USP33: variants seen among roughly 807,000 people sequenced by gnomAD.
The protein encoded by USP33 is ubiquitin carboxyl-terminal hydrolase 33.
A neutral mutation model predicts 124.2 loss-of-function variants in USP33; 46 were observed. The observed-to-expected ratio is 0.37, with a 90% CI of 0.29 to 0.47. The LOEUF (loss-of-function observed/expected upper bound fraction) is 0.47. Ranked by LOEUF, USP33 falls within the 20% of genes least tolerant of loss-of-function variation. The pLI, the probability that USP33 is intolerant of heterozygous loss-of-function variation, is 0.99. For synonymous variants in USP33, 350 were observed against 352.3 expected (o/e 0.99, Z 0.07); for missense variants, 851 against 1,070.6 (o/e 0.79, Z 2.86).
At chr1:77,729,446 G>A (rs1168223702) in intron 9 of USP33, among the ~76,000 whole-genome samples, 2 of 151,770 alleles carry the variant, frequency 1.3e-5, no homozygotes, top group Non-Finnish European at 2.9e-5. Context: ...CGAGGAGGGT[G>A]GATTACCTGA....
intron 4 of USP33, 24 bp downstream of exon 4, chr1:77,740,853 C>A: frequency 6.6e-7 from 1 of 1,523,004 alleles, no homozygotes; most frequent in South Asian, 1.2e-5. Flanking sequence ...AACAAGTCTT[C>A]CATTAAATTT....
chr1:77,729,928 C>G lies in USP33; in HGVS notation c.649G>C (p.Val217Leu), dbSNP rs775455044. Residue 217 changes from valine (V) to leucine (L), a missense_variant, in exon 9 of 24, where the codon GTT becomes CTT. Transcript: ENST00000370794. Reference protein sequence around the residue: ...ELWHKSRPGSVVPTTLFQGIK... With the variant: ...ELWHKSRPGSLVPTTLFQGIK... ...CCTTGAAACAGAGTAGTAGGCACAA[C>G]AGATCCTGGCCTGAGCAAGAAAACA... 8.6e-5 allele frequency: 138 copies of G among 1,612,852 alleles called. No homozygotes were observed. Among genetic ancestry groups the G allele is most frequent in the Middle Eastern group, 6.6e-4 (4 of 6,044 alleles).
chr1:77,749,353 T>C (rs1680063676), intron 1 of USP33, among the ~76,000 whole-genome samples: 1 of 152,054 alleles, frequency 6.6e-6, no homozygotes, highest in Non-Finnish European at 1.5e-5. Context: ...CTACTTGCCT[T>C]TGGTTGTATT....
intron 17 of USP33, 61 bp from the exon 18 acceptor site, chr1:77,715,929 A>G: frequency 6.5e-7 from 1 of 1,529,134 alleles, no homozygotes; most frequent in Non-Finnish European, 8.8e-7. Context: ...AAAGGAGGAT[A>G]AACTTTTTAT....
At chr1:77,717,793 T>G in intron 17 of USP33, 74 bp downstream of exon 17, 1 of 1,360,760 alleles carries the variant, frequency 7.3e-7, no homozygotes, top group South Asian at 2.0e-5. Flanking sequence ...GTATTACAGG[T>G]ATGAGCCACC....
In USP33 at chr1:77,730,818, A is replaced by G. The variant is rs187974347; in HGVS notation, c.525-87T>C. On this transcript the variant is annotated intron_variant, in intron 7 of 23. Transcript: ENST00000370794. ...CATTCAATTAACTGACAACACATAC[A>G]TTCCTTTAGCCGTTATTTCTTTCTT... The G allele has an allele frequency of 8.5e-6, 7 of 824,192 alleles. No individual in the cohort carries two copies. In the African/African-American group the frequency reaches 1.1e-4, roughly 12 times the overall value. The allele number at this position is 824,192 out of a possible 1,614,324, so 51.1% of individuals were successfully genotyped here. A position where few individuals can be genotyped will look rare whatever the true frequency, so the allele number is the denominator to read the frequency against.
chr1:77,718,010 A>G lies in USP33; in HGVS notation c.1775T>C (p.Leu592Pro). ...GGTACTGATTTTGGTGGAAAACATTAGTTCATGTCTGAATCTTTTAAGGTG... is the reference window on the plus strand; with the variant it reads ...GGTACTGATTTTGGTGGAAAACATTGGTTCATGTCTGAATCTTTTAAGGTG... ...CIHLKRFRHE[L>P]MFSTKISTHV... The change falls in exon 17 of 24, where the codon CTA becomes CCA. Residue 592 changes from leucine to proline, a missense_variant. Physicochemically the swap from Leu to Pro is moderately conservative, Grantham distance 98 (BLOSUM62 -3). Transcript: ENST00000370794. 1.2e-6 allele frequency: 2 copies of G among 1,610,032 alleles called. No individual in the cohort carries two copies. Among genetic ancestry groups the G allele is most frequent in the South Asian group, 1.1e-5 (1 of 89,762 alleles).
rs1673498602 is a variant in USP33, at chr1:77,697,172, C to T, written c.*145G>A. ...TATTACACATTTTAATATATTCTTC[C>T]ATAATGCCCACTAAGAAGAAATAAA... On this transcript the variant is annotated 3_prime_UTR_variant, in exon 24 of 24. Coordinates refer to ENST00000370794, the MANE Select transcript of USP33 (RefSeq NM_201624.3). 2.8e-6 allele frequency: 2 copies of T among 716,416 alleles called. No homozygotes were observed. Among genetic ancestry groups the T allele is most frequent in the Non-Finnish European group, 4.4e-6 (2 of 450,528 alleles). 44.4% of individuals were successfully genotyped at this position (716,416 alleles called of 1,614,324 possible). A position where few individuals can be genotyped will look rare whatever the true frequency, so the allele number is the denominator to read the frequency against.
intron 1 of USP33, among the ~76,000 whole-genome samples, chr1:77,758,468 CCA>C (rs796239290): frequency 4.4e-4 from 67 of 152,232 alleles, no homozygotes; most frequent in African/African-American, 1.6e-3. Flanking sequence ...GCCACCGTGC[CCA>C]GCCCTGACCT....
intron 12 of USP33, among the ~76,000 whole-genome samples, chr1:77,722,831 T>G (rs1390483366): frequency 6.6e-6 from 1 of 152,250 alleles, no homozygotes; most frequent in Non-Finnish European, 1.5e-5. Flanking sequence ...GAAGTGTTAT[T>G]AAAAAATTCA....
rs138107671 is a variant in USP33 at position 77,713,276 on chromosome 1, G to T, written c.2221C>A (p.Pro741Thr). Reference protein sequence around the residue: ...NDFLCIHGGVPPRKAGYIEDL... With the variant: ...NDFLCIHGGVTPRKAGYIEDL... ...TCAATATAACCAGCTTTTCTTGGAG[G>T]AACACCTAAAAAAATATATAAACAT... Residue 741 changes from proline (P) to threonine (T), a missense_variant, in exon 20 of 24, where the codon CCT becomes ACT. Physicochemically the swap from Pro to Thr is conservative, Grantham distance 38 (BLOSUM62 -1). Coordinates refer to ENST00000370794, the MANE Select transcript of USP33 (RefSeq NM_201624.3). 454 of 1,567,424 alleles carry T rather than the reference G, an allele frequency of 2.9e-4. 5 individuals are homozygous for T. The East Asian group carries it at 0.01, about 36-fold the overall frequency.
At chr1:77,739,448 G>A in intron 4 of USP33, 31 bp from the exon 5 acceptor site, 3 of 1,530,530 alleles carry the variant, frequency 2.0e-6, no homozygotes, top group South Asian at 1.3e-5. Context: ...GGGAAAAGAG[G>A]AACCAAAATT....
At chr1:77,744,612 G>A (rs1169636021) in intron 1 of USP33, among the ~76,000 whole-genome samples, 1 of 152,194 alleles carries the variant, frequency 6.6e-6, no homozygotes, top group Admixed American at 6.5e-5. Context: ...GGGAGGCCAA[G>A]GCAGGAGGAT....
Position 77,729,858 on chromosome 1 carries a change from A to G in USP33, c.717+2T>C. The G allele has an allele frequency of 1.2e-6, 2 of 1,612,814 alleles. No individual in the cohort carries two copies. The highest frequency in any genetic ancestry group is 1.7e-6 in the Non-Finnish European group (2 of 1,179,438). On this transcript the variant is annotated splice_donor_variant, in intron 9 of 23. Coordinates refer to ENST00000370794, the MANE Select transcript of USP33 (RefSeq NM_201624.3). LOFTEE classifies it high-confidence loss of function. The stretch of plus-strand genomic sequence containing the variant: ...ATTACAAATGAAAAGCAATAAACTA[A>G]CCTGCTGAGAATACCCCCGAAATGT...
chr1:77,748,727 T>C (rs1679984243), intron 1 of USP33, among the ~76,000 whole-genome samples: 1 of 151,800 alleles, frequency 6.6e-6, no homozygotes, highest in Admixed American at 6.6e-5. Context: ...TTTAGAAATT[T>C]TGCATTTCTG....
rs1356234014 is a variant in USP33 at position 77,739,344 on chromosome 1, A to G, written c.272T>C (p.Phe91Ser). The G allele has an allele frequency of 6.2e-7, 1 of 1,613,896 alleles. No homozygotes were observed. Among genetic ancestry groups the G allele is most frequent in the Admixed American group, 1.7e-5 (1 of 60,008 alleles). The change falls in exon 5 of 24, where the codon TTT becomes TCT. Residue 91 changes from phenylalanine to serine, a missense_variant. By Grantham distance (155) the Phe-to-Ser change is radical. Around this residue, in one of 4 missense-constraint regions of USP33, gnomAD observed 221 missense variants for 302.9 expected, o/e 0.73. Transcript: ENST00000370794. ...CTGAGTTCCTAATTTCCTATCCAAAAATACTTCTTTGCTGCAAGCATAACA... is the reference window on the plus strand; with the variant it reads ...CTGAGTTCCTAATTTCCTATCCAAAGATACTTCTTTGCTGCAAGCATAACA... ...VWCYACSKEVFLDRKLGTQPS... is the reference protein window; with the variant it reads ...VWCYACSKEVSLDRKLGTQPS...
At position 77,696,432 on chromosome 1, in the gene USP33, T is replaced by C. The variant is rs1673447418; in HGVS notation, c.*885A>G. The C allele has an allele frequency of 6.5e-6, 1 of 152,672 alleles. No homozygotes were observed. Among genetic ancestry groups the C allele is most frequent in the African/African-American group, 2.4e-5 (1 of 41,470 alleles). 9.5% of individuals were successfully genotyped at this position (152,672 alleles called of 1,614,324 possible). A position where few individuals can be genotyped will look rare whatever the true frequency, so the allele number is the denominator to read the frequency against. ...TGACAAATTCCACTCAAACTAAATA[T>C]ATCCTTGATACATTCAAAAAGACAT... On this transcript the variant is annotated 3_prime_UTR_variant, in exon 24 of 24. Coordinates refer to ENST00000370794, the MANE Select transcript of USP33 (RefSeq NM_201624.3).
chr1:77,745,140 G>GCT (rs1679609968), intron 1 of USP33, among the ~76,000 whole-genome samples: 2 of 152,182 alleles, frequency 1.3e-5, no homozygotes, highest in Admixed American at 6.5e-5. Flanking sequence ...AGGATAGTTA[G>GCT]CTCTTCTTGT....
intron 1 of USP33, among the ~76,000 whole-genome samples, chr1:77,754,998 G>A (rs1186771903): frequency 2.0e-5 from 3 of 152,084 alleles, no homozygotes; most frequent in Admixed American, 6.6e-5. Context: ...GCCTTATCTC[G>A]TTGAAATAAT....
Sources: gnomAD v4.1 joint callset for allele counts (sites outside exome capture counted in the v4.1 genomes callset) on GRCh38, gnomAD v4.1.1 for gene constraint, gnomAD v4.1.1 regional missense constraint, MANE v1.5 for transcripts, NCBI Gene and HGNC (gene_info 2026-07-23, HGNC 2026-07-21) for gene names.